The following CAMTA1 variants were observed in gnomAD, a reference collection of about 807,000 sequenced individuals.
The protein encoded by CAMTA1 is calmodulin binding transcription activator 1.
CAMTA1 carries 27 observed loss-of-function variants against 170.9 expected under a neutral mutation model. The observed-to-expected ratio is 0.16, with a 90% confidence interval of 0.12 to 0.22. The LOEUF (loss-of-function observed/expected upper bound fraction) is 0.22, where lower values mean the gene tolerates loss of function less well. Among genes scored for constraint, CAMTA1 ranks in the 10% least tolerant of loss-of-function variants. The probability of loss-of-function intolerance (pLI) is 1.00; values close to 1 mark genes in which losing one functional copy is unlikely to be tolerated. For synonymous variants in CAMTA1, 833 were observed against 891.5 expected (o/e 0.93, Z 1.17); for missense variants, 1,619 against 2,217.2 (o/e 0.73, Z 5.42).
chr1:7,507,603 G>T (rs1193420806), intron 6 of CAMTA1, among the ~76,000 whole-genome samples: 2 of 152,230 alleles, frequency 1.3e-5, no homozygotes, highest in Non-Finnish European at 2.9e-5. Context: ...TTTCCGAGGA[G>T]CCCTGCAAGA....
At chr1:7,179,116 A>G (rs980174290) in intron 4 of CAMTA1, among the ~76,000 whole-genome samples, 2 of 152,244 alleles carry the variant, frequency 1.3e-5, no homozygotes, top group African/African-American at 2.4e-5. Flanking sequence ...TTCCAAATAC[A>G]TGAAAGGACA....
At chr1:7,429,415 G>A (rs1288283025) in intron 5 of CAMTA1, among the ~76,000 whole-genome samples, 1 of 152,100 alleles carries the variant, frequency 6.6e-6, no homozygotes, top group Non-Finnish European at 1.5e-5. Flanking sequence ...GATCATGATG[G>A]TGGTGATGAT....
chr1:7,766,869 T>C lies in CAMTA1; in HGVS notation c.*378T>C, dbSNP rs1577542899. The C allele has an allele frequency of 5.5e-6, 1 of 180,542 alleles. No individual in the cohort carries two copies. Among genetic ancestry groups the C allele is most frequent in the Non-Finnish European group, 1.2e-5 (1 of 86,354 alleles). 11.2% of individuals were successfully genotyped at this position (180,542 alleles called of 1,614,324 possible). The stretch of plus-strand genomic sequence containing the variant: ...AACATCGTGTGGAACTGTACAAATA[T>C]TTATACCAAAAATATAGATAAGAAA... On this transcript the variant is annotated 3_prime_UTR_variant, in exon 23 of 23. Transcript: ENST00000303635.
At chr1:6,832,041 ATAAT>A (rs147008157) in intron 3 of CAMTA1, among the ~76,000 whole-genome samples, 2,294 of 152,158 alleles carry the variant, frequency 0.015, 58 homozygotes, top group African/African-American at 0.052. Flanking sequence ...TTATTAAATA[ATAAT>A]TAATTTCAAC....
At chr1:7,320,609 G>T (rs1678226893) in intron 5 of CAMTA1, among the ~76,000 whole-genome samples, 2 of 150,698 alleles carry the variant, frequency 1.3e-5, no homozygotes, top group South Asian at 2.1e-4. Context: ...CCTTAAGGGT[G>T]GCTGTCATCT....
chr1:7,238,957 C>T (rs1664380586), intron 4 of CAMTA1, among the ~76,000 whole-genome samples: 2 of 152,196 alleles, frequency 1.3e-5, no homozygotes, highest in African/African-American at 4.8e-5. Flanking sequence ...GGTGCCACAG[C>T]CCCACCTCTG....
intron 3 of CAMTA1, among the ~76,000 whole-genome samples, chr1:6,919,313 G>T (rs559088260): frequency 2.6e-4 from 39 of 152,326 alleles, no homozygotes; most frequent in African/African-American, 9.4e-4. Flanking sequence ...CAGAGGCAAG[G>T]CAGGCAAGTC....
chr1:7,594,100 G>GAAGA (rs1553214762), intron 6 of CAMTA1, among the ~76,000 whole-genome samples: 4 of 128,912 alleles, frequency 3.1e-5, no homozygotes, highest in Non-Finnish European at 6.0e-5. Context: ...AGAGAGGAAA[G>GAAGA]AAGAAAGAAA....
At chr1:7,413,072 G>A (rs1161805574) in intron 5 of CAMTA1, among the ~76,000 whole-genome samples, 1 of 150,578 alleles carries the variant, frequency 6.6e-6, no homozygotes, top group East Asian at 2.0e-4. Context: ...TTGTAGACAT[G>A]CAGCATTATT....
intron 11 of CAMTA1, among the ~76,000 whole-genome samples, chr1:7,704,871 A>C (rs1321724858): frequency 6.9e-6 from 1 of 144,094 alleles, no homozygotes; most frequent in African/African-American, 2.5e-5. Flanking sequence ...CCTGACGAGC[A>C]GGAGCCGAGC....
At position 7,587,613 on chromosome 1, in the gene CAMTA1, C is replaced by CT. The variant is rs534878628; in HGVS notation, c.511-52785dup. ...CTAATGTTACTTACTCGTCTGCTGC[C>CT]TTGTGTTTACATGGTTGAGGGGGAT... On this transcript the variant is annotated intron_variant, in intron 6 of 22. Transcript: ENST00000303635. Among the ~76,000 whole-genome samples the CT allele has an allele frequency of 7.9e-5, 12 of 152,222 alleles. No homozygotes were observed. The South Asian group carries it at 2.3e-3, about 29-fold the overall frequency.
At chr1:7,196,618 A>G (rs1655579888) in intron 4 of CAMTA1, among the ~76,000 whole-genome samples, 1 of 152,364 alleles carries the variant, frequency 6.6e-6, no homozygotes, top group East Asian at 1.9e-4. Flanking sequence ...CTAATTTCCA[A>G]TAAATCAGAC....
At chr1:7,529,470 G>A (rs767044065) in intron 6 of CAMTA1, among the ~76,000 whole-genome samples, 1 of 152,192 alleles carries the variant, frequency 6.6e-6, no homozygotes. Flanking sequence ...ACCCTTCGAG[G>A]TAGAAAACAT....
Position 6,851,189 on chromosome 1 carries a change from C to T in CAMTA1, c.234+25979C>T, listed in dbSNP as rs74051013. Among the ~76,000 whole-genome samples the T allele has an allele frequency of 2.5e-3, 375 of 152,148 alleles. 1 individual carries two copies. The highest frequency in any genetic ancestry group is 8.7e-3 in the African/African-American group (361 of 41,498). The stretch of plus-strand genomic sequence containing the variant: ...AAGGGTAAGGTATGTAGTATGTTTA[C>T]GGAGTTAAAAGATTAAGAATAGGGA... On this transcript the variant is annotated intron_variant, in intron 3 of 22. Transcript: ENST00000303635.
In CAMTA1 at chr1:7,697,280, G is replaced by T. The variant is rs530877178; in HGVS notation, c.2914+19547G>T. 7.0e-5 allele frequency among the ~76,000 whole-genome samples: 8 copies of T among 113,492 alleles called. 3 individuals are homozygous for T. The highest frequency in any genetic ancestry group is 2.7e-4 in the African/African-American group (8 of 29,118). The allele number at this position is 113,492 out of a possible 152,430, so 74.5% of individuals were successfully genotyped here. A position where few individuals can be genotyped will look rare whatever the true frequency, so the allele number is the denominator to read the frequency against. Reference sequence around the variant, plus strand: ...TCACTGGGCACCCACCAGGCCCTGGGCTATCTATTTAAGTTTATTATCCAA... The same window carrying T: ...TCACTGGGCACCCACCAGGCCCTGGTCTATCTATTTAAGTTTATTATCCAA... On this transcript the variant is annotated intron_variant, in intron 11 of 22. Coordinates refer to ENST00000303635, the MANE Select transcript of CAMTA1 (RefSeq NM_015215.4).
intron 6 of CAMTA1, among the ~76,000 whole-genome samples, chr1:7,607,108 G>C (rs1345227688): frequency 6.6e-6 from 1 of 151,850 alleles, no homozygotes; most frequent in Admixed American, 6.5e-5. Flanking sequence ...GGAGTAGGTG[G>C]GTAGATGGAA....
intron 1 of CAMTA1, among the ~76,000 whole-genome samples, chr1:6,793,062 C>T (rs1056734011): frequency 5.9e-5 from 9 of 151,588 alleles, no homozygotes; most frequent in African/African-American, 2.2e-4. Context: ...ATATATATAC[C>T]CCACTCTTAT....
At chr1:6,846,826 T>A (rs1347643735) in intron 3 of CAMTA1, among the ~76,000 whole-genome samples, 3 of 152,168 alleles carry the variant, frequency 2.0e-5, no homozygotes, top group Non-Finnish European at 2.9e-5. Flanking sequence ...TTGGTCAGTA[T>A]GTAAGTCTGG....
At chr1:7,242,807 T>A (rs568575648) in intron 4 of CAMTA1, among the ~76,000 whole-genome samples, 2 of 133,698 alleles carry the variant, frequency 1.5e-5, no homozygotes, top group African/African-American at 2.7e-5. Context: ...AATAAATAAA[T>A]AAAAATTAGC....
Sources: gnomAD v4.1 joint callset for allele counts (sites outside exome capture counted in the v4.1 genomes callset) on GRCh38, gnomAD v4.1.1 for gene constraint, MANE v1.5 for transcripts, NCBI Gene and HGNC (gene_info 2026-07-23, HGNC 2026-07-21) for gene names.